The following MYOCD variants were observed in gnomAD, a reference collection of about 807,000 sequenced individuals.
MYOCD encodes the protein myocardin.
In MYOCD, 32 loss-of-function variants were observed where a neutral mutation model predicts 96.1. The observed-to-expected ratio is 0.33, with a 90% CI of 0.25 to 0.45. The LOEUF is 0.45. MYOCD is among the 20% of genes least tolerant of loss of function. The pLI is 1.00. For missense variants in MYOCD, 1,133 were observed against 1,200.6 expected (o/e 0.94, Z 0.83); for synonymous variants, 469 against 469.0 (o/e 1.00, Z 0.00).
In MYOCD at chr17:12,717,394, G is replaced by C; in HGVS notation, c.226G>C (p.Asp76His). The C allele has an allele frequency of 1.2e-6, 2 of 1,613,910 alleles. No homozygotes were observed. Among genetic ancestry groups the C allele is most frequent in the Non-Finnish European group, 1.7e-6 (2 of 1,179,942 alleles). ...RKARNRCNSA[D>H]LVNMHILQAS... Reference sequence around the variant, plus strand: ...AGCCAGAAACAGGTGCAACAGTGCCGACTTGGTTAATATGCACATACTCCA... The same window carrying C: ...AGCCAGAAACAGGTGCAACAGTGCCCACTTGGTTAATATGCACATACTCCA... Residue 76 changes from aspartate to histidine, a missense_variant, in exon 4 of 14, where the codon GAC becomes CAC. Asp to His is a moderately conservative substitution (Grantham distance 81). Coordinates refer to ENST00000425538, the MANE Select transcript of MYOCD (RefSeq NM_001146312.3).
intron 5 of MYOCD, among the ~76,000 whole-genome samples, chr17:12,726,316 G>A (rs1157691686): frequency 6.6e-6 from 1 of 152,192 alleles, no homozygotes; most frequent in Non-Finnish European, 1.5e-5. Context: ...GCCATGGGCA[G>A]TAAGTAAACA....
intron 12 of MYOCD, among the ~76,000 whole-genome samples, chr17:12,759,448 G>A (rs1204075272): frequency 1.3e-5 from 2 of 152,112 alleles, no homozygotes; most frequent in East Asian, 3.8e-4. Flanking sequence ...CAGACCCTTA[G>A]GCATCTGGTA....
rs574391098 is a variant in MYOCD at position 12,687,901 on chromosome 17, C to T, written c.56-17227C>T. Among the ~76,000 whole-genome samples the T allele has an allele frequency of 1.2e-3, 181 of 152,228 alleles. 1 individual carries two copies. The highest frequency in any genetic ancestry group is 1.3e-3 in the Non-Finnish European group (86 of 68,010). On this transcript the variant is annotated intron_variant, in intron 1 of 13. Transcript: ENST00000425538. Reference sequence around the variant, plus strand: ...TAAGGAAGCAGTGTATCCATGGCAACGTAGGAGAAGAAATGGGTAAGGATG... The same window carrying T: ...TAAGGAAGCAGTGTATCCATGGCAATGTAGGAGAAGAAATGGGTAAGGATG...
At chr17:12,667,425 C>T (rs1056394158) in intron 1 of MYOCD, among the ~76,000 whole-genome samples, 2 of 152,304 alleles carry the variant, frequency 1.3e-5, no homozygotes, top group East Asian at 1.9e-4. Context: ...GTCCGCCAGC[C>T]ACTGGGGTCG....
At chr17:12,669,709 C>T (rs1190102817) in intron 1 of MYOCD, among the ~76,000 whole-genome samples, 6 of 152,038 alleles carry the variant, frequency 3.9e-5, no homozygotes, top group African/African-American at 1.2e-4. Flanking sequence ...AGCTCCGCCT[C>T]TGGGGTTCAC....
At chr17:12,712,422 A>T (rs555066340) in intron 2 of MYOCD, among the ~76,000 whole-genome samples, 115 of 151,902 alleles carry the variant, frequency 7.6e-4, no homozygotes, top group Non-Finnish European at 1.3e-3. Context: ...AACTCCAGGG[A>T]CCCTACCCTG....
At chr17:12,704,186 A>G (rs2150672657) in intron 1 of MYOCD, among the ~76,000 whole-genome samples, 1 of 152,172 alleles carries the variant, frequency 6.6e-6, no homozygotes, top group East Asian at 1.9e-4. Context: ...TTTTTATTTT[A>G]GCAGATGATT....
chr17:12,745,825 C>A, intron 8 of MYOCD, 94 bp from the exon 9 acceptor site: 3 of 1,320,634 alleles, frequency 2.3e-6, no homozygotes, highest in Non-Finnish European at 3.2e-6. Flanking sequence ...ACATGCCTGA[C>A]CCTTGCAGGC....
At chr17:12,673,355 G>T (rs1189446492) in intron 1 of MYOCD, among the ~76,000 whole-genome samples, 1 of 152,086 alleles carries the variant, frequency 6.6e-6, no homozygotes, top group Non-Finnish European at 1.5e-5. Context: ...TTCTCTTTCT[G>T]TCCTGGTCCA....
At chr17:12,745,030 G>A (rs1258385007) in intron 8 of MYOCD, among the ~76,000 whole-genome samples, 1 of 152,084 alleles carries the variant, frequency 6.6e-6, no homozygotes, top group African/African-American at 2.4e-5. Flanking sequence ...CTTTCAAGTT[G>A]GACTATGGAA....
intron 1 of MYOCD, among the ~76,000 whole-genome samples, chr17:12,684,828 A>G (rs1228733976): frequency 6.7e-6 from 1 of 149,844 alleles, no homozygotes; most frequent in Non-Finnish European, 1.5e-5. Context: ...CTGGGGAAAT[A>G]GAGTGAGAAT....
chr17:12,706,868 CATT>C (rs2031306406), intron 2 of MYOCD, among the ~76,000 whole-genome samples: 1 of 152,112 alleles, frequency 6.6e-6, no homozygotes, highest in African/African-American at 2.4e-5. Flanking sequence ...TCCATGGCAT[CATT>C]AAGATAATTT....
rs1451652785 is a variant in MYOCD at position 12,665,986 on chromosome 17, GTTAA to G, written c.-199_-196del. 3.7e-6 allele frequency: 2 copies of G among 547,616 alleles called. No homozygotes were observed. Among genetic ancestry groups the G allele is most frequent in the Non-Finnish European group, 6.5e-6 (2 of 308,118 alleles). 33.9% of individuals were successfully genotyped at this position (547,616 alleles called of 1,614,324 possible). On this transcript the variant is annotated 5_prime_UTR_variant, in exon 1 of 14. The change abolishes the stop of an existing upstream ORF in the 5' untranslated region. Coordinates refer to ENST00000425538, the MANE Select transcript of MYOCD (RefSeq NM_001146312.3). The surrounding 1 kb of genome is among the most constrained non-coding windows in gnomAD (Gnocchi z 4.2). ...AGGAGGAGGGTCCCGCCGGCTAAGAGTTAATTAGCCCCGCACGGCGAGGGGGGAG... is the reference window on the plus strand; with the variant it reads ...AGGAGGAGGGTCCCGCCGGCTAAGAGTTAGCCCCGCACGGCGAGGGGGGAG...
chr17:12,739,230 A>G lies in MYOCD; in HGVS notation c.619A>G (p.Arg207Gly). 1.2e-6 allele frequency: 2 copies of G among 1,609,862 alleles called. No homozygotes were observed. The highest frequency in any genetic ancestry group is 1.1e-5 in the South Asian group (1 of 89,888). Residue 207 changes from arginine to glycine, a missense_variant, in exon 7 of 14, where the codon AGA (arginine) becomes GGA (glycine). Physicochemically the swap from Arg to Gly is moderately radical, Grantham distance 125. Transcript: ENST00000425538. ...QDLASGSEND[R>G]NDSASQPSHQ... is the part of the protein sequence containing the mutation. ...TCTTGCTTCTGGCTCAGAAAATGACAGAAATGACTCAGCCTCACAGCCCAG... is the reference window on the plus strand; with the variant it reads ...TCTTGCTTCTGGCTCAGAAAATGACGGAAATGACTCAGCCTCACAGCCCAG...
intron 1 of MYOCD, among the ~76,000 whole-genome samples, chr17:12,669,750 C>T (rs1909588787): frequency 6.6e-6 from 1 of 152,146 alleles, no homozygotes; most frequent in South Asian, 2.1e-4. Flanking sequence ...TCCTGAGTAG[C>T]TGGGACTACA....
chr17:12,744,828 T>C (rs888258247), intron 8 of MYOCD, among the ~76,000 whole-genome samples: 2 of 152,224 alleles, frequency 1.3e-5, no homozygotes, highest in African/African-American at 4.8e-5. Context: ...CAAGATACTG[T>C]AATAAAAGGT....
intron 1 of MYOCD, chr17:12,704,925 C>T: frequency 1.8e-6 from 1 of 543,946 alleles, no homozygotes; most frequent in Non-Finnish European, 3.3e-6. Flanking sequence ...TAGTTTGGGA[C>T]AGACTTACTG....
rs549320147 is a variant in MYOCD at position 12,693,375 on chromosome 17, C to T, written c.56-11753C>T. On this transcript the variant is annotated intron_variant, in intron 1 of 13. Transcript: ENST00000425538. The stretch of plus-strand genomic sequence containing the variant: ...CTGTAATCCCAGCACTTTGGGAGGC[C>T]GAGGTGGGCGGATCACCCGAGGTCA... Among the ~76,000 whole-genome samples, 15 of 151,820 alleles carry T rather than the reference C, an allele frequency of 9.9e-5. 1 individual carries two copies. The highest frequency in any genetic ancestry group is 3.6e-4 in the African/African-American group (15 of 41,386).
chr17:12,730,784 A>T (rs1298111271), intron 5 of MYOCD, among the ~76,000 whole-genome samples: 2 of 152,214 alleles, frequency 1.3e-5, no homozygotes, highest in Non-Finnish European at 2.9e-5. Context: ...CTTCTATTGC[A>T]GTGGACCGGG....
Sources: gnomAD v4.1 joint callset for allele counts (sites outside exome capture counted in the v4.1 genomes callset) on GRCh38, gnomAD v4.1.1 for gene constraint, Gnocchi (gnomAD v3.1) non-coding constraint, MANE v1.5 for transcripts, NCBI Gene and HGNC (gene_info 2026-07-23, HGNC 2026-07-21) for gene names.